The following NEB variants were observed in gnomAD, a reference collection of about 807,000 sequenced individuals.
The protein encoded by NEB is nebulin.
NEB carries 512 observed loss-of-function variants against 952.2 expected under a neutral mutation model. The ratio of observed to expected loss-of-function variants is 0.54; its 90% CI spans 0.50 to 0.58. The LOEUF is 0.58. NEB is among the 20% of genes least tolerant of loss of function. The pLI, the probability that NEB is intolerant of heterozygous loss-of-function variation, is 0.00. For synonymous variants in NEB, 2,900 were observed against 3,149.8 expected (o/e 0.92, Z 2.66); for missense variants, 8,428 against 9,231.1 (o/e 0.91, Z 3.56).
chr2:151,668,967 G>A (rs746755643), intron 39 of NEB, 60 bp downstream of exon 39: 15 of 1,266,034 alleles, frequency 1.2e-5, no homozygotes, highest in East Asian at 2.5e-5. Context: ...AGCAAGAGTT[G>A]CAAAGAACCA....
intron 12 of NEB, 65 bp from the exon 13 acceptor site, chr2:151,707,062 G>GA: frequency 1.0e-6 from 1 of 974,942 alleles, no homozygotes; most frequent in South Asian, 1.6e-5. Flanking sequence ...TCTCTATTAT[G>GA]AATATGACAT....
chr2:151,706,455 T>A (rs1032225876), intron 13 of NEB, among the ~76,000 whole-genome samples: 4 of 152,186 alleles, frequency 2.6e-5, no homozygotes, highest in Non-Finnish European at 2.9e-5. Context: ...AATTAGAAAG[T>A]CCTGTGAAGA....
In NEB at chr2:151,692,233, C is replaced by A. The variant is rs780691275; in HGVS notation, c.1998+28G>T. Reference sequence around the variant, plus strand: ...GTCAAACAGTAGGAAAGCCCTCCTACCCGAAAGGTAACCGTGGCTTTTCGA... The same window carrying A: ...GTCAAACAGTAGGAAAGCCCTCCTAACCGAAAGGTAACCGTGGCTTTTCGA... On this transcript the variant is annotated intron_variant, in intron 21 of 181. Coordinates refer to ENST00000397345, the MANE Select transcript of NEB (RefSeq NM_001164508.2). The A allele has an allele frequency of 9.3e-6, 15 of 1,608,598 alleles. No individual in the cohort carries two copies. The Admixed American group carries it at 1.3e-4, about 14-fold the overall frequency.
intron 117 of NEB, 150 bp from the exon 118 acceptor site, chr2:151,564,080 G>T: frequency 2.1e-6 from 1 of 487,078 alleles, no homozygotes; most frequent in Non-Finnish European, 3.7e-6. Flanking sequence ...ACCTAGAATA[G>T]GGCAGTTATT....
Position 151,486,782 on chromosome 2 carries a change from A to G in NEB, c.25405-849T>C, listed in dbSNP as rs143709169. The G allele has an allele frequency of 3.6e-4, 55 of 152,350 alleles. 1 individual carries two copies. The highest frequency in any genetic ancestry group is 1.3e-3 in the African/African-American group (53 of 41,594). 9.4% of individuals were successfully genotyped at this position (152,350 alleles called of 1,614,324 possible). ...GTCAGTATATTGTATGGTTTTATTTATATGAAATGTCTTAGGTAGCCAAAT... is the reference window on the plus strand; with the variant it reads ...GTCAGTATATTGTATGGTTTTATTTGTATGAAATGTCTTAGGTAGCCAAAT... On this transcript the variant is annotated intron_variant, in intron 181 of 181. Transcript: ENST00000397345.
At chr2:151,665,012 C>A in intron 42 of NEB, 149 bp from the exon 43 acceptor site, 1 of 690,438 alleles carries the variant, frequency 1.4e-6, no homozygotes, top group Non-Finnish European at 2.4e-6. Flanking sequence ...GCCAAGTAAA[C>A]TAAATACACA....
chr2:151,528,398 T>G (rs2088004112), intron 146 of NEB, among the ~76,000 whole-genome samples: 1 of 152,208 alleles, frequency 6.6e-6, no homozygotes, highest in Non-Finnish European at 1.5e-5. Flanking sequence ...CTCATTTTAT[T>G]TTGAAAAATT....
At chr2:151,549,002 C>T (rs968124351) in intron 130 of NEB, among the ~76,000 whole-genome samples, 1 of 152,156 alleles carries the variant, frequency 6.6e-6, no homozygotes, top group East Asian at 1.9e-4. Context: ...GCCACGATTT[C>T]CCTAAGCCTT....
At chr2:151,548,475 T>C in intron 130 of NEB, 60 bp from the exon 131 acceptor site, 1 of 1,161,652 alleles carries the variant, frequency 8.6e-7, no homozygotes, top group South Asian at 1.3e-5. Flanking sequence ...ACATTACATT[T>C]CTCCAAATAG....
intron 153 of NEB, among the ~76,000 whole-genome samples, chr2:151,520,531 TGGAA>T (rs1370263870): frequency 6.6e-6 from 1 of 152,156 alleles, no homozygotes. Context: ...TTTGATTGAA[TGGAA>T]GGAAGAGACA....
intron 83 of NEB, among the ~76,000 whole-genome samples, 197 bp downstream of exon 83, chr2:151,607,307 C>T (rs1280012091): frequency 9.7e-6 from 1 of 103,010 alleles, no homozygotes; most frequent in African/African-American, 2.6e-5. Context: ...GTCTAGGCAC[C>T]CACCGATGTA....
At chr2:151,634,997 A>G (rs531445719) in intron 64 of NEB, among the ~76,000 whole-genome samples, 1 of 152,200 alleles carries the variant, frequency 6.6e-6, no homozygotes, top group African/African-American at 2.4e-5. Flanking sequence ...AGTGTAGGTG[A>G]GTCAGCAAGA....
In NEB at chr2:151,541,453, C is replaced by A; in HGVS notation, c.20676G>T (p.Gln6892His). Residue 6892 changes from glutamine (Q) to histidine (H), a missense_variant, in exon 136 of 182, where the codon CAG becomes CAT. This residue lies in a region of NEB where 3,374 missense variants were observed against 3,651.5 expected (regional missense o/e 0.92). Coordinates refer to ENST00000397345, the MANE Select transcript of NEB (RefSeq NM_001164508.2). ...TATGAACCTCTGAGCTTACCTGACT[C>A]TGAAGCTTCTGCCCTCGCTTGGCTC... ...LLRAKRGQKL[Q>H]SQYLYVELAT... The A allele has an allele frequency of 6.2e-7, 1 of 1,611,536 alleles. No homozygotes were observed. The highest frequency in any genetic ancestry group is 8.5e-7 in the Non-Finnish European group (1 of 1,178,504).
intron 35 of NEB, 23 bp downstream of exon 35, chr2:151,675,264 A>G: frequency 6.7e-7 from 1 of 1,483,762 alleles, no homozygotes; most frequent in Non-Finnish European, 9.3e-7. Context: ...CGAATTTCAC[A>G]TCCCAGCAAA....
intron 63 of NEB, 90 bp downstream of exon 63, chr2:151,639,190 T>G: frequency 3.9e-6 from 4 of 1,036,130 alleles, no homozygotes; most frequent in Non-Finnish European, 5.7e-6. Flanking sequence ...AAAAGATTCT[T>G]TCTAAAGCTG....
rs2097091808 is a variant in NEB at position 151,581,484 on chromosome 2, T to C, written c.16283A>G (p.Asn5428Ser). The C allele has an allele frequency of 5.8e-6, 5 of 864,022 alleles. No homozygotes were observed. The highest frequency in any genetic ancestry group is 2.9e-5 in the East Asian group (1 of 34,234). The allele number at this position is 864,022 out of a possible 1,614,324, so 53.5% of individuals were successfully genotyped here. A position where few individuals can be genotyped will look rare whatever the true frequency, so the allele number is the denominator to read the frequency against. ...AGCAAATGATGTGTGCTGTCTTACA[T>C]TGCTGATCTGCAGGGCATTGATTTT... The part of the protein sequence containing the change: ...QSKINALQIS[N>S]KRYQQAWEDV... The change falls in exon 103 of 182, where the codon AAT becomes AGT. Residue 5428 changes from asparagine (N) to serine (S), a missense_variant and splice_region_variant. Around this residue, in one of 11 missense-constraint regions of NEB, gnomAD observed 40 missense variants for 61.2 expected, o/e 0.65. Transcript: ENST00000397345.
At chr2:151,628,279 T>G (rs943797526) in intron 68 of NEB, among the ~76,000 whole-genome samples, 1 of 152,102 alleles carries the variant, frequency 6.6e-6, no homozygotes, top group Admixed American at 6.6e-5. Context: ...ATTTTATCCC[T>G]CCATCCAACA....
rs1573942258 is a variant in NEB, at chr2:151,619,719, A to G, written c.10604T>C (p.Ile3535Thr). 6.2e-7 allele frequency: 1 copy of G among 1,613,758 alleles called. No individual in the cohort carries two copies. The highest frequency in any genetic ancestry group is 8.5e-7 in the Non-Finnish European group (1 of 1,179,688). Reference sequence around the variant, plus strand: ...GTCATCGTGTACTGCTCGGGCGCCAATGTGGTGACCCAACTGTTTACGATA... The same window carrying G: ...GTCATCGTGTACTGCTCGGGCGCCAGTGTGGTGACCCAACTGTTTACGATA... ...EAYRKQLGHH[I>T]GARAVHDDPK... Residue 3535 changes from isoleucine (I) to threonine (T), a missense_variant, in exon 73 of 182, where the codon ATT becomes ACT. By Grantham distance (89) the Ile-to-Thr change is moderately conservative. Coordinates refer to ENST00000397345, the MANE Select transcript of NEB (RefSeq NM_001164508.2).
intron 168 of NEB, among the ~76,000 whole-genome samples, chr2:151,500,443 T>G (rs919357605): frequency 5.3e-5 from 8 of 151,810 alleles, no homozygotes; most frequent in African/African-American, 7.3e-5. Flanking sequence ...ATTTGTGTGT[T>G]AGAGTTTTTC....
Sources: allele counts gnomAD v4.1 joint callset (sites outside exome capture counted in the v4.1 genomes callset), GRCh38; gene constraint gnomAD v4.1.1; regional missense constraint gnomAD v4.1.1; transcripts MANE v1.5; gene names NCBI Gene and HGNC (gene_info 2026-07-23, HGNC 2026-07-21).